The following GAS7 variants were observed in gnomAD, a reference collection of about 807,000 sequenced individuals.
GAS7 encodes the protein growth arrest specific 7.
GAS7 carries 28 observed loss-of-function variants against 71.1 expected under a neutral mutation model. The observed-to-expected ratio is 0.39, with a 90% CI of 0.29 to 0.54. The LOEUF (loss-of-function observed/expected upper bound fraction) is 0.54. Ranked by LOEUF, GAS7 falls within the 20% of genes least tolerant of loss-of-function variation. GAS7 has a pLI of 0.62. For synonymous variants in GAS7, 258 were observed against 245.8 expected (o/e 1.05, Z -0.46); for missense variants, 436 against 627.8 (o/e 0.69, Z 3.27).
At chr17:10,023,163 G>A (rs1187646145) in intron 1 of GAS7, among the ~76,000 whole-genome samples, 1 of 152,234 alleles carries the variant, frequency 6.6e-6, no homozygotes, top group East Asian at 1.9e-4. Flanking sequence ...GGGCCACCAG[G>A]CCCATCTCCT....
intron 2 of GAS7, among the ~76,000 whole-genome samples, chr17:9,999,052 T>C (rs1004312653): frequency 4.6e-5 from 7 of 152,204 alleles, no homozygotes; most frequent in African/African-American, 1.7e-4. Flanking sequence ...CCATGGAAAA[T>C]CATACCACAC....
chr17:10,156,062 T>C (rs1354774828), intron 1 of GAS7, among the ~76,000 whole-genome samples: 1 of 152,238 alleles, frequency 6.6e-6, no homozygotes, highest in Non-Finnish European at 1.5e-5. Flanking sequence ...GACGAGATTC[T>C]CTAACTCCGA....
chr17:10,155,043 T>G (rs1272158698), intron 1 of GAS7, among the ~76,000 whole-genome samples: 1 of 151,040 alleles, frequency 6.6e-6, no homozygotes. Flanking sequence ...AGACAAAGTC[T>G]CACTCTTGTC....
At chr17:10,091,542 C>T (rs1331572684) in intron 1 of GAS7, among the ~76,000 whole-genome samples, 2 of 152,092 alleles carry the variant, frequency 1.3e-5, no homozygotes, top group Admixed American at 6.6e-5. Context: ...TGCCCACCAC[C>T]ACACCCAGCT....
Position 9,937,571 on chromosome 17 carries a change from C to A in GAS7, c.806+2555G>T, listed in dbSNP as rs2068446902. Among the ~76,000 whole-genome samples, 3 of 152,246 alleles carry A rather than the reference C, an allele frequency of 2.0e-5. No homozygotes were observed. The South Asian group carries it at 6.2e-4, about 32-fold the overall frequency. On this transcript the variant is annotated intron_variant, in intron 8 of 13. Transcript: ENST00000432992. ...AAGGGACGCTGGTCTTGCTGGGCCG[C>A]CCTGCGGTCTGTGGCTGGCAGGGAG...
At position 10,134,759 on chromosome 17, in the gene GAS7, C is replaced by A. The variant is rs371737727; in HGVS notation, c.183+63449G>T. Among the ~76,000 whole-genome samples the A allele has an allele frequency of 8.5e-5, 13 of 152,216 alleles. No homozygotes were observed. In the East Asian group the frequency reaches 2.5e-3, roughly 29 times the overall value. On this transcript the variant is annotated intron_variant, in intron 1 of 13. Coordinates refer to ENST00000432992, the MANE Select transcript of GAS7 (RefSeq NM_201433.2). Reference sequence around the variant, plus strand: ...TAGCCCTGTGACTATAGCCCTGTGACCGCCGCTGCAGAGCAGGGCTACCCC... The same window carrying A: ...TAGCCCTGTGACTATAGCCCTGTGAACGCCGCTGCAGAGCAGGGCTACCCC...
intron 9 of GAS7, among the ~76,000 whole-genome samples, chr17:9,932,621 C>A (rs534301964): frequency 6.6e-6 from 1 of 152,194 alleles, no homozygotes; most frequent in South Asian, 2.1e-4. Context: ...GAGAGAAAAC[C>A]TGGAGGTATG....
chr17:10,191,288 G>C (rs981560706), intron 1 of GAS7, among the ~76,000 whole-genome samples: 27 of 151,576 alleles, frequency 1.8e-4, no homozygotes, highest in Admixed American at 1.5e-3. Context: ...GCAGTGAAGA[G>C]GCTGGGCACG....
chr17:10,171,815 G>T (rs928229853), intron 1 of GAS7, among the ~76,000 whole-genome samples: 1 of 152,148 alleles, frequency 6.6e-6, no homozygotes, highest in Non-Finnish European at 1.5e-5. Flanking sequence ...TCGCCAGGCT[G>T]TTGATAAGAT....
intron 1 of GAS7, among the ~76,000 whole-genome samples, chr17:10,113,673 A>C (rs2073834763): frequency 6.6e-6 from 1 of 152,148 alleles, no homozygotes; most frequent in Admixed American, 6.5e-5. Context: ...GTTAAGGAAA[A>C]TAAAATGAAA....
At chr17:9,930,388 T>A (rs2068166494) in intron 9 of GAS7, among the ~76,000 whole-genome samples, 1 of 152,186 alleles carries the variant, frequency 6.6e-6, no homozygotes, top group Non-Finnish European at 1.5e-5. Context: ...AGTGACTTGC[T>A]CAAGGTCACA....
chr17:10,181,359 C>A (rs202042340), intron 1 of GAS7, among the ~76,000 whole-genome samples: 69 of 137,782 alleles, frequency 5.0e-4, no homozygotes, highest in Admixed American at 7.9e-4. Flanking sequence ...GACTCCACCT[C>A]AAAAAAAAAA....
At chr17:10,143,165 G>A (rs2074096380) in intron 1 of GAS7, among the ~76,000 whole-genome samples, 1 of 152,102 alleles carries the variant, frequency 6.6e-6, no homozygotes, top group Non-Finnish European at 1.5e-5. Context: ...CTGGGCGACA[G>A]AGACAGACTC....
intron 1 of GAS7, among the ~76,000 whole-genome samples, chr17:10,055,790 AT>A (rs1294955447): frequency 6.6e-6 from 1 of 152,108 alleles, no homozygotes; most frequent in East Asian, 1.9e-4. Flanking sequence ...GCGCTCTGAT[AT>A]TTTTCCGCTC....
rs527302420 is a variant in GAS7, at chr17:10,174,815, C to T, written c.183+23393G>A. Reference sequence around the variant, plus strand: ...AGACACGTGCCAGTGCCTTCACGGGCTTTGACCTGATGCAGCTCTGCCCTC... The same window carrying T: ...AGACACGTGCCAGTGCCTTCACGGGTTTTGACCTGATGCAGCTCTGCCCTC... On this transcript the variant is annotated intron_variant, in intron 1 of 13. Transcript: ENST00000432992. 5.3e-5 allele frequency among the ~76,000 whole-genome samples: 8 copies of T among 152,334 alleles called. No individual in the cohort carries two copies. In the East Asian group the frequency reaches 1.5e-3, roughly 29 times the overall value.
At chr17:10,109,992 T>C (rs143516410) in intron 1 of GAS7, among the ~76,000 whole-genome samples, 188 of 146,826 alleles carry the variant, frequency 1.3e-3, no homozygotes, top group African/African-American at 4.5e-3. Context: ...AGGTGGAGGT[T>C]GCAGTGAGCC....
At position 9,917,205 on chromosome 17, in the gene GAS7, C is replaced by A. The variant is rs374394518; in HGVS notation, c.*23G>T. The A allele has an allele frequency of 7.2e-7, 1 of 1,379,348 alleles. No homozygotes were observed. Among genetic ancestry groups the A allele is most frequent in the Non-Finnish European group, 1.0e-6 (1 of 965,584 alleles). The allele number at this position is 1,379,348 out of a possible 1,614,324, so 85.4% of individuals were successfully genotyped here. On this transcript the variant is annotated 3_prime_UTR_variant, in exon 14 of 14. Coordinates refer to ENST00000432992, the MANE Select transcript of GAS7 (RefSeq NM_201433.2). ...GCCCAGCCCCCCTCCCCAGCAGGAC[C>A]CCCCGAAGCTGCACAGGCCCATCTA...
intron 2 of GAS7, among the ~76,000 whole-genome samples, chr17:10,001,577 C>T (rs2071270735): frequency 6.6e-6 from 1 of 152,016 alleles, no homozygotes; most frequent in Admixed American, 6.6e-5. Context: ...AAATACAGAG[C>T]CTGAAAGGTT....
intron 1 of GAS7, among the ~76,000 whole-genome samples, chr17:10,097,842 G>A (rs949479886): frequency 4.6e-5 from 7 of 151,960 alleles, no homozygotes; most frequent in South Asian, 4.2e-4. Flanking sequence ...TCAGGAGTTC[G>A]AGACCAGCCT....
Sources: gnomAD v4.1 joint callset for allele counts (sites outside exome capture counted in the v4.1 genomes callset) on GRCh38, gnomAD v4.1.1 for gene constraint, MANE v1.5 for transcripts, NCBI Gene and HGNC (gene_info 2026-07-23, HGNC 2026-07-21) for gene names.